Variants in ADARB2 observed in about 807,000 individuals in gnomAD.
ADARB2 encodes inactive double-stranded RNA-specific editase B2.
Under a neutral mutation model 62.2 loss-of-function variants are expected in ADARB2, and 25 were observed. The ratio of observed to expected loss-of-function variants is 0.40; its 90% confidence interval spans 0.29 to 0.56. The LOEUF is 0.56. Ranked by LOEUF, ADARB2 falls within the 20% of genes least tolerant of loss-of-function variation. The pLI is 0.43. For synonymous variants in ADARB2, 572 were observed against 500.8 expected (o/e 1.14, Z -1.90); for missense variants, 1,071 against 1,077.4 (o/e 0.99, Z 0.08).
intron 2 of ADARB2, among the ~76,000 whole-genome samples, chr10:1,367,625 T>C (rs571772614): frequency 6.6e-6 from 1 of 152,150 alleles, no homozygotes; most frequent in East Asian, 1.9e-4. Flanking sequence ...ATTTTCCAAA[T>C]TGAACTTAAA....
At chr10:1,453,991 T>C (rs546822052) in intron 1 of ADARB2, among the ~76,000 whole-genome samples, 2 of 152,328 alleles carry the variant, frequency 1.3e-5, no homozygotes, top group Non-Finnish European at 2.9e-5. Context: ...AGTGTATTGG[T>C]CTGCTCTCAT....
intron 1 of ADARB2, among the ~76,000 whole-genome samples, chr10:1,565,007 G>A (rs1291564989): frequency 2.0e-5 from 3 of 152,200 alleles, no homozygotes; most frequent in South Asian, 2.1e-4. Flanking sequence ...CCTGGGGGCC[G>A]ACGTGCAGCA....
At chr10:1,505,522 C>G (rs1485873341) in intron 1 of ADARB2, among the ~76,000 whole-genome samples, 3 of 152,184 alleles carry the variant, frequency 2.0e-5, no homozygotes, top group Non-Finnish European at 2.9e-5. Context: ...CATCTTCCCT[C>G]GGAAAACACT....
intron 7 of ADARB2, among the ~76,000 whole-genome samples, chr10:1,202,011 GAT>G (rs1175801440): frequency 6.6e-6 from 1 of 152,140 alleles, no homozygotes; most frequent in Non-Finnish European, 1.5e-5. Context: ...GATGTTCACC[GAT>G]AAGTCAGAGA....
At chr10:1,663,592 CTA>C (rs1564361709) in intron 1 of ADARB2, among the ~76,000 whole-genome samples, 1 of 151,970 alleles carries the variant, frequency 6.6e-6, no homozygotes, top group Non-Finnish European at 1.5e-5. Context: ...TAAGCTTTCT[CTA>C]TGTGTCTTCA....
intron 6 of ADARB2, among the ~76,000 whole-genome samples, chr10:1,219,837 ATGATGATGGTGATGG>A (rs1830667199): frequency 1.7e-5 from 2 of 120,066 alleles, no homozygotes; most frequent in Non-Finnish European, 1.9e-5. Flanking sequence ...GATGGTGGTG[ATGATGATGGTGATGG>A]TGATGATGAT....
chr10:1,262,570 C>G (rs1430633731), intron 4 of ADARB2, among the ~76,000 whole-genome samples: 1 of 138,306 alleles, frequency 7.2e-6, no homozygotes, highest in Non-Finnish European at 1.6e-5. Context: ...AAATACAAAT[C>G]AAAACCACAG....
chr10:1,633,554 ATCTATCTATCTATC>A (rs1833871389), intron 1 of ADARB2, among the ~76,000 whole-genome samples: 13 of 71,076 alleles, frequency 1.8e-4, no homozygotes, highest in South Asian at 3.9e-4. Context: ...TCTATCATCT[ATCTATCTATCTATC>A]TATCTATCTA....
intron 1 of ADARB2, among the ~76,000 whole-genome samples, chr10:1,424,810 A>G (rs1357916667): frequency 6.6e-6 from 1 of 152,232 alleles, no homozygotes; most frequent in East Asian, 1.9e-4. Context: ...ACGATCTGTC[A>G]TCCTGTCGCA....
At chr10:1,591,659 GCACA>G (rs1255744378) in intron 1 of ADARB2, among the ~76,000 whole-genome samples, 3 of 122,684 alleles carry the variant, frequency 2.4e-5, no homozygotes, top group African/African-American at 5.3e-5. Context: ...AGGCGTGCAC[GCACA>G]CACACACACA....
chr10:1,595,003 C>T lies in ADARB2; in HGVS notation c.100+142048G>A, dbSNP rs111510349. Reference sequence around the variant, plus strand: ...GCAGGATCTGAGGAAGTGCAGGAAGCGGTCTTTCCTCAGGGGCTTGGTGGC... The same window carrying T: ...GCAGGATCTGAGGAAGTGCAGGAAGTGGTCTTTCCTCAGGGGCTTGGTGGC... On this transcript the variant is annotated intron_variant, in intron 1 of 9. Coordinates refer to ENST00000381312, the MANE Select transcript of ADARB2 (RefSeq NM_018702.4). Among the ~76,000 whole-genome samples the T allele has an allele frequency of 1.3e-3, 204 of 152,260 alleles. 1 individual carries two copies. The highest frequency in any genetic ancestry group is 4.8e-3 in the African/African-American group (198 of 41,560).
intron 1 of ADARB2, among the ~76,000 whole-genome samples, chr10:1,482,443 G>C (rs900050024): frequency 2.6e-5 from 4 of 152,310 alleles, no homozygotes; most frequent in African/African-American, 9.6e-5. Flanking sequence ...GACAAATCCT[G>C]TGTGATTCCA....
At chr10:1,626,241 C>A (rs1271412970) in intron 1 of ADARB2, among the ~76,000 whole-genome samples, 4 of 145,124 alleles carry the variant, frequency 2.8e-5, no homozygotes, top group Non-Finnish European at 4.5e-5. Context: ...GGACCTCAGA[C>A]GCTAACCCCA....
chr10:1,218,634 A>G (rs915697246), intron 6 of ADARB2, among the ~76,000 whole-genome samples: 4 of 151,968 alleles, frequency 2.6e-5, no homozygotes, highest in African/African-American at 9.7e-5. Flanking sequence ...TCGGAGGTGG[A>G]ATTTGGTGGG....
chr10:1,401,430 C>G (rs1222769027), intron 1 of ADARB2, among the ~76,000 whole-genome samples: 2 of 152,186 alleles, frequency 1.3e-5, no homozygotes, highest in Non-Finnish European at 1.5e-5. Flanking sequence ...TCACAGCACA[C>G]GGGTACCCCC....
chr10:1,585,292 T>C (rs2813391), intron 1 of ADARB2, among the ~76,000 whole-genome samples: 150,239 of 152,202 alleles, frequency 0.99, 74,175 homozygotes, highest in Middle Eastern at 1. Flanking sequence ...AATCTCAGGA[T>C]CCCCAAATCG....
rs1295902092 is a variant in ADARB2, at chr10:1,558,456, A to T, written c.100+178595T>A. 5.4e-4 allele frequency among the ~76,000 whole-genome samples: 40 copies of T among 73,430 alleles called. 4 individuals are homozygous for T. The highest frequency in any genetic ancestry group is 7.8e-4 in the Non-Finnish European group (29 of 37,048). The allele number at this position is 73,430 out of a possible 152,430, so 48.2% of individuals were successfully genotyped here. A position where few individuals can be genotyped will look rare whatever the true frequency, so the allele number is the denominator to read the frequency against. On this transcript the variant is annotated intron_variant, in intron 1 of 9. Transcript: ENST00000381312. The stretch of plus-strand genomic sequence containing the variant: ...CATGCCCCATCTAAATCCACATCCC[A>T]CCTCTGCCCCCCTCCGTGGGTGCTC...
intron 1 of ADARB2, chr10:1,676,180 G>A (rs1834464692): frequency 2.8e-6 from 1 of 360,240 alleles, no homozygotes; most frequent in Admixed American, 6.4e-5. Flanking sequence ...TCGGTAGTTG[G>A]GAAATTATTA....
chr10:1,299,675 C>T (rs1589184202), intron 3 of ADARB2, among the ~76,000 whole-genome samples: 1 of 152,192 alleles, frequency 6.6e-6, no homozygotes, highest in Non-Finnish European at 1.5e-5. Context: ...TTCTGTAGGA[C>T]GTGGAGCTAA....
Sources: gnomAD v4.1 joint callset for allele counts (sites outside exome capture counted in the v4.1 genomes callset) on GRCh38, gnomAD v4.1.1 for gene constraint, MANE v1.5 for transcripts, NCBI Gene and HGNC (gene_info 2026-07-23, HGNC 2026-07-21) for gene names.